ROBO1: variants seen among roughly 807,000 people sequenced by gnomAD.
ROBO1 encodes roundabout guidance receptor 1, also known as roundabout homolog 1.
ROBO1 carries 149 observed loss-of-function variants against 195.9 expected under a neutral mutation model. The ratio of observed to expected loss-of-function variants is 0.76; its 90% CI spans 0.67 to 0.87. The LOEUF (loss-of-function observed/expected upper bound fraction) is 0.87. Ranked by LOEUF, ROBO1 falls within the 40% of genes least tolerant of loss-of-function variation. The pLI is 0.00. For missense variants in ROBO1, 1,933 were observed against 2,068.3 expected (o/e 0.93, Z 1.27); for synonymous variants, 816 against 733.2 (o/e 1.11, Z -1.82).
At chr3:78,645,861 C>T (rs1276311679) in intron 21 of ROBO1, among the ~76,000 whole-genome samples, 1 of 152,052 alleles carries the variant, frequency 6.6e-6, no homozygotes, top group Non-Finnish European at 1.5e-5. Flanking sequence ...AATGCCACCG[C>T]TTAGTCACTT....
At chr3:78,629,371 T>C (rs1037536266) in intron 25 of ROBO1, among the ~76,000 whole-genome samples, 2 of 152,044 alleles carry the variant, frequency 1.3e-5, no homozygotes, top group Admixed American at 6.6e-5. Flanking sequence ...AAAGCAGCAA[T>C]GAATGTTGTT....
intron 1 of ROBO1, among the ~76,000 whole-genome samples, chr3:79,709,453 G>A (rs1177124899): frequency 6.6e-6 from 1 of 152,062 alleles, no homozygotes; most frequent in Non-Finnish European, 1.5e-5. Context: ...AGACAAATGG[G>A]AGAGAATAAA....
intron 2 of ROBO1, among the ~76,000 whole-genome samples, chr3:79,545,120 C>T (rs972595210): frequency 3.3e-5 from 5 of 152,012 alleles, no homozygotes; most frequent in South Asian, 2.1e-4. Flanking sequence ...AACAGTGTTA[C>T]TCAATGAGCT....
intron 2 of ROBO1, among the ~76,000 whole-genome samples, chr3:79,401,349 T>C (rs1392813040): frequency 6.6e-6 from 1 of 151,900 alleles, no homozygotes; most frequent in African/African-American, 2.4e-5. Flanking sequence ...GGCCAAAATA[T>C]GTAAGAATTG....
intron 3 of ROBO1, among the ~76,000 whole-genome samples, chr3:79,051,138 T>A (rs987124237): frequency 1.3e-5 from 2 of 151,474 alleles, no homozygotes; most frequent in African/African-American, 2.4e-5. Context: ...TTTGAAAAGA[T>A]CAAAAAACAC....
chr3:79,353,969 C>T (rs979275292), intron 2 of ROBO1, among the ~76,000 whole-genome samples: 4 of 151,688 alleles, frequency 2.6e-5, no homozygotes, highest in East Asian at 3.9e-4. Flanking sequence ...CACTTGAACC[C>T]GGGAGGTGGA....
At chr3:79,109,859 T>G (rs1290173753) in intron 3 of ROBO1, among the ~76,000 whole-genome samples, 1 of 152,098 alleles carries the variant, frequency 6.6e-6, no homozygotes, top group Non-Finnish European at 1.5e-5. Context: ...ATACTGAAAT[T>G]CATTAGTCTG....
rs1364094037 is a variant in ROBO1 at position 78,884,687 on chromosome 3, GGAAGGAAGGAAGGAAGGAAAGAAA to G, written c.499+53890_499+53913del. Among the ~76,000 whole-genome samples the G allele has an allele frequency of 1.1e-3, 141 of 131,130 alleles. 1 individual carries two copies. Among genetic ancestry groups the G allele is most frequent in the African/African-American group, 3.2e-3 (105 of 33,186 alleles). The allele number at this position is 131,130 out of a possible 152,430, so 86.0% of individuals were successfully genotyped here. ...AGGAAGGAAGGAAGGAAGGAAGGAA[GGAAGGAAGGAAGGAAGGAAAGAAA>G]GAAGGAAAGGAAAGGAAGGAAGGAA... On this transcript the variant is annotated intron_variant, in intron 4 of 30. Coordinates refer to ENST00000464233, the MANE Select transcript of ROBO1 (RefSeq NM_002941.4).
At chr3:79,624,081 C>T (rs1373176017) in intron 1 of ROBO1, among the ~76,000 whole-genome samples, 2 of 152,136 alleles carry the variant, frequency 1.3e-5, no homozygotes, top group African/African-American at 4.8e-5. Flanking sequence ...CCCAGAATTT[C>T]ATATCCAGCC....
chr3:78,667,206 G>A (rs903150056), intron 14 of ROBO1, among the ~76,000 whole-genome samples: 8 of 151,960 alleles, frequency 5.3e-5, no homozygotes, highest in Non-Finnish European at 1.2e-4. Flanking sequence ...GATTAAGATT[G>A]TACACCTACA....
At chr3:78,666,958 T>A (rs893760259) in intron 14 of ROBO1, among the ~76,000 whole-genome samples, 1 of 152,072 alleles carries the variant, frequency 6.6e-6, no homozygotes, top group African/African-American at 2.4e-5. Context: ...ATTTTATAGT[T>A]CGAATCACTC....
intron 4 of ROBO1, among the ~76,000 whole-genome samples, chr3:78,898,384 T>TTG: frequency 1.5e-5 from 2 of 131,742 alleles, no homozygotes; most frequent in Admixed American, 7.5e-5. Context: ...GATAGGGTTT[T>TTG]TTTTTTTTTT....
intron 4 of ROBO1, among the ~76,000 whole-genome samples, chr3:78,909,163 T>C (rs2038098498): frequency 6.6e-6 from 1 of 151,960 alleles, no homozygotes; most frequent in Non-Finnish European, 1.5e-5. Flanking sequence ...TTTCTATTTA[T>C]CTAAAGTTGC....
At chr3:78,979,423 A>C (rs1418160556) in intron 3 of ROBO1, among the ~76,000 whole-genome samples, 2 of 152,242 alleles carry the variant, frequency 1.3e-5, no homozygotes, top group South Asian at 4.1e-4. Flanking sequence ...TGCTGAAAGC[A>C]ATGGACTGAA....
chr3:79,066,701 A>G (rs1397920179), intron 3 of ROBO1, among the ~76,000 whole-genome samples: 1 of 151,960 alleles, frequency 6.6e-6, no homozygotes, highest in Non-Finnish European at 1.5e-5. Flanking sequence ...TCTTTTTACC[A>G]TAATAATGAG....
At chr3:79,745,348 A>G (rs1200141807) in intron 1 of ROBO1, among the ~76,000 whole-genome samples, 1 of 152,240 alleles carries the variant, frequency 6.6e-6, no homozygotes, top group African/African-American at 2.4e-5. Flanking sequence ...CAATTACCAA[A>G]AACAGTGAAA....
At chr3:79,486,401 T>C (rs572305434) in intron 2 of ROBO1, among the ~76,000 whole-genome samples, 1 of 152,108 alleles carries the variant, frequency 6.6e-6, no homozygotes, top group Admixed American at 6.6e-5. Flanking sequence ...CCAGAGAGTG[T>C]TAAACTTTTA....
At chr3:78,761,835 A>C (rs1286750902) in intron 4 of ROBO1, among the ~76,000 whole-genome samples, 1 of 152,136 alleles carries the variant, frequency 6.6e-6, no homozygotes, top group East Asian at 1.9e-4. Flanking sequence ...TCACATTATA[A>C]TTTAAAATAT....
At chr3:78,832,902 A>G (rs773701466) in intron 4 of ROBO1, among the ~76,000 whole-genome samples, 2 of 152,124 alleles carry the variant, frequency 1.3e-5, no homozygotes, top group Non-Finnish European at 2.9e-5. Flanking sequence ...GTATTCAGCA[A>G]ACCATTAACA....
Sources: allele counts gnomAD v4.1 joint callset (sites outside exome capture counted in the v4.1 genomes callset), GRCh38; gene constraint gnomAD v4.1.1; transcripts MANE v1.5; gene names NCBI Gene and HGNC (gene_info 2026-07-23, HGNC 2026-07-21).